The following NOP58 variants were observed in gnomAD, a reference collection of about 807,000 sequenced individuals.
The protein encoded by NOP58 is NOP58 ribonucleoprotein, also known as nucleolar protein 58.
NOP58 carries 44 observed loss-of-function variants against 71.2 expected under a neutral mutation model. The ratio of observed to expected loss-of-function variants is 0.62; its 90% confidence interval spans 0.49 to 0.79. NOP58 has a LOEUF of 0.79. NOP58 is among the 30% of genes least tolerant of loss of function. NOP58 has a pLI of 0.00. For synonymous variants in NOP58, 228 were observed against 200.3 expected, an observed-to-expected ratio of 1.14 and a Z score of -1.17; for missense variants, 538 against 620.2, an observed-to-expected ratio of 0.87 and a Z score of 1.41.
At chr2:202,290,067 G>A (rs1436857172) in intron 6 of NOP58, among the ~76,000 whole-genome samples, 1 of 152,010 alleles carries the variant, frequency 6.6e-6, no homozygotes, top group Non-Finnish European at 1.5e-5. Flanking sequence ...TGATTCTTCT[G>A]CCTCAGCCCT....
At chr2:202,280,379 A>T (rs1399011272) in intron 3 of NOP58, among the ~76,000 whole-genome samples, 2 of 151,882 alleles carry the variant, frequency 1.3e-5, no homozygotes, top group African/African-American at 4.8e-5. Flanking sequence ...GCTGGAGTGC[A>T]GTGGCATGAT....
intron 12 of NOP58, among the ~76,000 whole-genome samples, chr2:202,298,980 T>TTG (rs1694587875): frequency 2.3e-5 from 3 of 130,966 alleles, no homozygotes; most frequent in South Asian, 2.3e-4. Flanking sequence ...TTTTTTTTTT[T>TTG]GAGACAGTCT....
intron 2 of NOP58, among the ~76,000 whole-genome samples, chr2:202,276,699 G>A (rs1454434095): frequency 6.6e-6 from 1 of 152,100 alleles, no homozygotes; most frequent in South Asian, 2.1e-4. Flanking sequence ...TTAGCTGGGT[G>A]TGGTGGTGCA....
chr2:202,272,979 A>G (rs577089196), intron 1 of NOP58, among the ~76,000 whole-genome samples: 5 of 152,196 alleles, frequency 3.3e-5, no homozygotes, highest in African/African-American at 1.2e-4. Flanking sequence ...CTAAAAATAC[A>G]AAAAATTAGC....
intron 4 of NOP58, among the ~76,000 whole-genome samples, chr2:202,282,880 A>G (rs1285157779): frequency 6.6e-6 from 1 of 152,182 alleles, no homozygotes; most frequent in Admixed American, 6.5e-5. Flanking sequence ...GAGAGTGGAA[A>G]GAAAGACTAG....
At chr2:202,266,419 C>T (rs774118476) in intron 1 of NOP58, among the ~76,000 whole-genome samples, 1 of 152,108 alleles carries the variant, frequency 6.6e-6, no homozygotes, top group Non-Finnish European at 1.5e-5. Context: ...CTGCCTTGGC[C>T]TCCCGAGTAG....
chr2:202,273,276 A>G (rs1400455728), intron 1 of NOP58, among the ~76,000 whole-genome samples: 1 of 152,248 alleles, frequency 6.6e-6, no homozygotes, highest in Non-Finnish European at 1.5e-5. Flanking sequence ...ACTATGACAA[A>G]TAAAACCATT....
chr2:202,303,157 G>T, intron 14 of NOP58, 100 bp downstream of exon 14: 1 of 1,416,382 alleles, frequency 7.1e-7, no homozygotes, highest in Non-Finnish European at 9.5e-7. Context: ...TTTAAAAAAT[G>T]GTTTTCATTG....
intron 5 of NOP58, 105 bp downstream of exon 5, chr2:202,284,586 C>G: frequency 8.4e-7 from 1 of 1,195,554 alleles, no homozygotes; most frequent in African/African-American, 1.5e-5. Context: ...CACATCAGAA[C>G]CTTATGAAGA....
intron 4 of NOP58, 128 bp from the exon 5 acceptor site, chr2:202,284,217 G>A (rs554593616): frequency 1.3e-5 from 9 of 687,054 alleles, no homozygotes; most frequent in Non-Finnish European, 2.1e-5. Flanking sequence ...AGGTTGTAGT[G>A]AGCCAAGATT....
At chr2:202,295,582 G>C (rs1688975050) in intron 9 of NOP58, 92 bp from the exon 10 acceptor site, 3 of 837,978 alleles carry the variant, frequency 3.6e-6, no homozygotes, top group Non-Finnish European at 5.3e-6. Flanking sequence ...ATTTATTATG[G>C]TGGCTGTAAT....
chr2:202,294,896 C>T (rs188926156), intron 9 of NOP58, among the ~76,000 whole-genome samples: 113 of 151,358 alleles, frequency 7.5e-4, no homozygotes, highest in African/African-American at 2.1e-3. Context: ...ACCCGGGAGG[C>T]GGAGGATGCA....
chr2:202,283,250 GAC>G (rs1246724734), intron 4 of NOP58, among the ~76,000 whole-genome samples: 32 of 152,022 alleles, frequency 2.1e-4, no homozygotes, highest in African/African-American at 6.0e-4. Context: ...ATTTATTTGA[GAC>G]AGAGTCTCAC....
Position 202,282,484 on chromosome 2 carries a change from A to G in NOP58, c.297+12A>G, listed in dbSNP as rs1282378483. ...GAGGGGTCATAAAGGTAAAGTCACG[A>G]TATTTTTGGTCATGCCTGCTAGTCA... On this transcript the variant is annotated intron_variant, in intron 4 of 14. Coordinates refer to ENST00000264279, the MANE Select transcript of NOP58 (RefSeq NM_015934.5). 1.9e-6 allele frequency: 3 copies of G among 1,602,590 alleles called. No individual in the cohort carries two copies. Among genetic ancestry groups the G allele is most frequent in the East Asian group, 4.5e-5 (2 of 44,832 alleles).
At chr2:202,291,806 CAAAAAAAAAAAA>C (rs1161178890) in intron 8 of NOP58, among the ~76,000 whole-genome samples, 6 of 41,900 alleles carry the variant, frequency 1.4e-4, no homozygotes, top group African/African-American at 4.3e-4. Flanking sequence ...AACTCCATCT[CAAAAAAAAAAAA>C]AAAAAAAAAA....
intron 1 of NOP58, among the ~76,000 whole-genome samples, chr2:202,267,583 C>T (rs1278802183): frequency 6.6e-6 from 1 of 152,160 alleles, no homozygotes; most frequent in Non-Finnish European, 1.5e-5. Flanking sequence ...ATCTAAATTA[C>T]CATGTAGAGT....
chr2:202,283,788 C>A (rs1307955556), intron 4 of NOP58, among the ~76,000 whole-genome samples: 5 of 152,060 alleles, frequency 3.3e-5, no homozygotes, highest in Admixed American at 3.3e-4. Flanking sequence ...AAAAGATCTC[C>A]TTAAACCAAC....
Position 202,275,221 on chromosome 2 carries a change from T to G in NOP58, c.122+32T>G, listed in dbSNP as rs759477259. On this transcript the variant is annotated intron_variant, in intron 2 of 14. Coordinates refer to ENST00000264279, the MANE Select transcript of NOP58 (RefSeq NM_015934.5). The stretch of plus-strand genomic sequence containing the variant: ...ACTCTTGAAATCAATAATTTAGCAG[T>G]TAACATTTAGGGCTTGTTTTATTTT... The G allele has an allele frequency of 7.9e-6, 9 of 1,144,284 alleles. No homozygotes were observed. In the East Asian group the frequency reaches 2.1e-4, roughly 27 times the overall value. 70.9% of individuals were successfully genotyped at this position (1,144,284 alleles called of 1,614,324 possible).
intron 13 of NOP58, among the ~76,000 whole-genome samples, chr2:202,300,741 G>GT (rs1297911609): frequency 1.6e-4 from 25 of 152,148 alleles, no homozygotes; most frequent in Admixed American, 1.6e-3. Flanking sequence ...TTTCTTCATT[G>GT]TTTCTCTTAC....
Sources: gnomAD v4.1 joint callset for allele counts (sites outside exome capture counted in the v4.1 genomes callset) on GRCh38, gnomAD v4.1.1 for gene constraint, MANE v1.5 for transcripts, NCBI Gene and HGNC (gene_info 2026-07-23, HGNC 2026-07-21) for gene names.